Variants in TTC34 observed in about 807,000 individuals in gnomAD.
TTC34 encodes the protein tetratricopeptide repeat protein 34.
In TTC34, 44 loss-of-function variants were observed where a neutral mutation model predicts 40.7. The observed-to-expected ratio is 1.08, with a 90% CI of 0.85 to 1.39. TTC34 has a LOEUF of 1.39. Among genes scored for constraint, TTC34 ranks in the 40% most tolerant of loss-of-function variants. The pLI is 0.00. For missense variants in TTC34, 884 were observed against 838.0 expected (o/e 1.05, Z -0.68); for synonymous variants, 422 against 398.6 (o/e 1.06, Z -0.70).
intron 6 of TTC34, among the ~76,000 whole-genome samples, chr1:2,650,987 C>A (rs377575446): frequency 6.6e-6 from 1 of 150,902 alleles, no homozygotes; most frequent in African/African-American, 2.4e-5. Flanking sequence ...GCACCCCAAA[C>A]CCCCAATAAG....
At chr1:2,695,169 C>G (rs1412808954) in intron 6 of TTC34, among the ~76,000 whole-genome samples, 1 of 75,728 alleles carries the variant, frequency 1.3e-5, no homozygotes, top group East Asian at 3.9e-4. Context: ...AGGAGAGCAT[C>G]TGACAGCATG....
chr1:2,692,508 C>T (rs529304347), intron 6 of TTC34, among the ~76,000 whole-genome samples: 3 of 32,628 alleles, frequency 9.2e-5, no homozygotes, highest in East Asian at 8.5e-4. Context: ...CCTGCACCCC[C>T]AGGTGTGCAC....
chr1:2,760,239 C>CAACCACAGGCGAGCATCTGACAGCCTGG (rs1641653218), intron 6 of TTC34, among the ~76,000 whole-genome samples: 1 of 65,206 alleles, frequency 1.5e-5, no homozygotes, highest in Non-Finnish European at 3.0e-5. Context: ...GCAGCACCCA[C>CAACCACAGGCGAGCATCTGACAGCCTGG]AACCCCAGGC....
At position 2,685,822 on chromosome 1, in the gene TTC34, T is replaced by A. The variant is rs547479562; in HGVS notation, c.2227-40259A>T. Among the ~76,000 whole-genome samples the A allele has an allele frequency of 5.7e-4, 84 of 147,178 alleles. 1 individual carries two copies. The East Asian group carries it at 0.016, about 27-fold the overall frequency. On this transcript the variant is annotated intron_variant, in intron 6 of 8. Transcript: ENST00000401095. ...ACCCCCAGGTGAGCATCTGACAGAC[T>A]GGAACGGCACCCCCATGCCCAGGTG...
chr1:2,779,659 C>A (rs946316572), intron 6 of TTC34, among the ~76,000 whole-genome samples: 1 of 152,150 alleles, frequency 6.6e-6, no homozygotes, highest in Non-Finnish European at 1.5e-5. Flanking sequence ...AAATGGCCAT[C>A]CTGTTTTCCT....
intron 6 of TTC34, among the ~76,000 whole-genome samples, chr1:2,781,643 A>G (rs1042035040): frequency 5.3e-5 from 8 of 152,056 alleles, no homozygotes; most frequent in Admixed American, 1.3e-4. Context: ...ATTGAGTATG[A>G]TGTTTGCTGT....
At chr1:2,785,259 G>A (rs1228463499) in intron 5 of TTC34, among the ~76,000 whole-genome samples, 2 of 151,586 alleles carry the variant, frequency 1.3e-5, no homozygotes, top group Non-Finnish European at 2.9e-5. Flanking sequence ...CGGGTTCCAC[G>A]TGGCAGCCTG....
intron 6 of TTC34, among the ~76,000 whole-genome samples, chr1:2,767,460 C>G (rs1437819099): frequency 6.2e-3 from 909 of 146,458 alleles, no homozygotes; most frequent in African/African-American, 0.02. Context: ...GAGCATCCGA[C>G]AGCCTGGAAC....
intron 2 of TTC34, among the ~76,000 whole-genome samples, chr1:2,798,676 AGCCCCTCAGCTC>A (rs1643737596): frequency 9.6e-6 from 1 of 104,708 alleles, no homozygotes; most frequent in South Asian, 3.8e-4. Context: ...CCAGCCTCTC[AGCCCCTCAGCTC>A]CCCAGCCCCC....
chr1:2,644,899 G>C (rs992882854), intron 7 of TTC34, among the ~76,000 whole-genome samples: 2 of 152,288 alleles, frequency 1.3e-5, no homozygotes, highest in African/African-American at 4.8e-5. Flanking sequence ...GGAAATCCGC[G>C]GGAAGGGCCT....
chr1:2,682,062 C>T (rs1261965600), intron 6 of TTC34, among the ~76,000 whole-genome samples: 2 of 119,874 alleles, frequency 1.7e-5, no homozygotes, highest in Admixed American at 8.0e-5. Context: ...AGCAGCACCC[C>T]ACACCCACAG....
chr1:2,691,770 A>G (rs1164704462), intron 6 of TTC34, among the ~76,000 whole-genome samples: 2 of 95,632 alleles, frequency 2.1e-5, no homozygotes, highest in African/African-American at 7.0e-5. Context: ...GAACGCAAAT[A>G]GCAGCACCCA....
At chr1:2,683,447 C>T (rs1640171814) in intron 6 of TTC34, among the ~76,000 whole-genome samples, 2 of 149,292 alleles carry the variant, frequency 1.3e-5, no homozygotes, top group South Asian at 2.1e-4. Flanking sequence ...AGGTGAGCAT[C>T]CGACAGCCTG....
chr1:2,759,647 G>T (rs1641626922), intron 6 of TTC34, among the ~76,000 whole-genome samples: 1 of 151,932 alleles, frequency 6.6e-6, no homozygotes, highest in African/African-American at 2.4e-5. Context: ...ACCCCCAGGT[G>T]AGCATTCGAC....
intron 6 of TTC34, among the ~76,000 whole-genome samples, chr1:2,753,317 C>T (rs1641388800): frequency 2.4e-5 from 3 of 126,068 alleles, no homozygotes; most frequent in African/African-American, 3.3e-5. Context: ...CATCCGACAG[C>T]CTGGAGCATC....
chr1:2,773,400 C>A (rs1163086480), intron 6 of TTC34, among the ~76,000 whole-genome samples: 2 of 92,678 alleles, frequency 2.2e-5, no homozygotes, highest in African/African-American at 7.7e-5. Context: ...ATCTGACTGC[C>A]TGGAGCAGCA....
intron 6 of TTC34, among the ~76,000 whole-genome samples, chr1:2,753,457 C>A (rs1203323003): frequency 6.0e-5 from 5 of 83,424 alleles, no homozygotes; most frequent in South Asian, 3.8e-4. Context: ...CAGCCTGCAC[C>A]CCCAGGTGTG....
rs1464885502 is a variant in TTC34 at position 2,789,684 on chromosome 1, G to A, written c.1447C>T (p.Arg483Trp). Residue 483 changes from arginine (R) to tryptophan (W), a missense_variant, in exon 3 of 9, where the codon CGG (arginine) becomes TGG (tryptophan). By Grantham distance (101) the Arg-to-Trp change is moderately radical (BLOSUM62 -3). Transcript: ENST00000401095. ...GCGGCCAGCAGCGCCTCCTCGGGCC[G>A]CAGCCTGCAGGCGGTGACATAGTCC... The A allele has an allele frequency of 5.1e-5, 63 of 1,241,738 alleles. No homozygotes were observed. In the Middle Eastern group the frequency reaches 8.7e-4, roughly 17 times the overall value. The allele number at this position is 1,241,738 out of a possible 1,614,324, so 76.9% of individuals were successfully genotyped here. A position where few individuals can be genotyped will look rare whatever the true frequency, so the allele number is the denominator to read the frequency against.
At chr1:2,691,229 T>C (rs1280231156) in intron 6 of TTC34, among the ~76,000 whole-genome samples, 23 of 71,536 alleles carry the variant, frequency 3.2e-4, no homozygotes, top group East Asian at 1.3e-3. Flanking sequence ...CACGCCCAGG[T>C]GAGCATCTGA....
Sources: allele counts gnomAD v4.1 joint callset (sites outside exome capture counted in the v4.1 genomes callset), GRCh38; gene constraint gnomAD v4.1.1; transcripts MANE v1.5; gene names NCBI Gene and HGNC (gene_info 2026-07-23, HGNC 2026-07-21).